The following CARMIL1 variants were observed in gnomAD, a reference collection of about 807,000 sequenced individuals.
CARMIL1 encodes the protein F-actin-uncapping protein LRRC16A.
Under a neutral mutation model 177.1 loss-of-function variants are expected in CARMIL1, and 90 were observed. The observed-to-expected ratio is 0.51, with a 90% CI of 0.43 to 0.61. The LOEUF (loss-of-function observed/expected upper bound fraction) is 0.61. CARMIL1 is among the 20% of genes least tolerant of loss of function. The pLI is 0.00. For synonymous variants in CARMIL1, 577 were observed against 606.2 expected (o/e 0.95, Z 0.71); for missense variants, 1,380 against 1,667.0 (o/e 0.83, Z 3.00).
intron 26 of CARMIL1, among the ~76,000 whole-genome samples, chr6:25,542,573 A>G (rs1809031016): frequency 6.6e-6 from 1 of 151,168 alleles, no homozygotes; most frequent in Non-Finnish European, 1.5e-5. Flanking sequence ...CCTGTTCCCT[A>G]CTCACTTGTT....
intron 27 of CARMIL1, among the ~76,000 whole-genome samples, chr6:25,552,934 A>C (rs1810253494): frequency 6.6e-6 from 1 of 152,192 alleles, no homozygotes; most frequent in Non-Finnish European, 1.5e-5. Flanking sequence ...GAATCTTATC[A>C]GTAGACACCT....
At chr6:25,584,598 T>A (rs548720835) in intron 31 of CARMIL1, among the ~76,000 whole-genome samples, 56 of 152,036 alleles carry the variant, frequency 3.7e-4, no homozygotes, top group African/African-American at 1.3e-3. Context: ...TTTGTATTTT[T>A]ATGCTAAGTT....
In CARMIL1 at chr6:25,392,317, A is replaced by T. The variant is rs376956665; in HGVS notation, c.139-27797A>T. On this transcript the variant is annotated intron_variant, in intron 2 of 36. Transcript: ENST00000329474. Reference sequence around the variant, plus strand: ...AGAGACCTGCCTTATAAAAGAGTTCACTTCTTTCCACAACTTCAAATTGAT... The same window carrying T: ...AGAGACCTGCCTTATAAAAGAGTTCTCTTCTTTCCACAACTTCAAATTGAT... Among the ~76,000 whole-genome samples, 8 of 152,280 alleles carry T rather than the reference A, an allele frequency of 5.3e-5. No homozygotes were observed. In the East Asian group the frequency reaches 7.7e-4, roughly 15 times the overall value.
chr6:25,336,346 C>T (rs1786230153), intron 2 of CARMIL1, among the ~76,000 whole-genome samples: 2 of 152,180 alleles, frequency 1.3e-5, no homozygotes, highest in Admixed American at 1.3e-4. Flanking sequence ...TAGTACTCAG[C>T]TTCTGTATGT....
At chr6:25,578,476 T>A (rs1028686494) in intron 29 of CARMIL1, among the ~76,000 whole-genome samples, 3 of 152,182 alleles carry the variant, frequency 2.0e-5, no homozygotes, top group Non-Finnish European at 4.4e-5. Context: ...TTCCTCTTGC[T>A]TTAGGTTTAT....
chr6:25,282,587 T>A (rs2744277), intron 1 of CARMIL1, among the ~76,000 whole-genome samples: 7,549 of 152,282 alleles, frequency 0.05, 581 homozygotes, highest in African/African-American at 0.16. Flanking sequence ...TTACCCCTTA[T>A]TAAACATATA....
chr6:25,363,916 T>C (rs1010664186), intron 2 of CARMIL1, among the ~76,000 whole-genome samples: 5 of 152,142 alleles, frequency 3.3e-5, no homozygotes, highest in African/African-American at 1.2e-4. Context: ...TAGATTTTTT[T>C]CTTCCTTTCT....
chr6:25,297,867 A>G (rs375990135), intron 2 of CARMIL1, among the ~76,000 whole-genome samples: 6 of 152,164 alleles, frequency 3.9e-5, no homozygotes, highest in African/African-American at 1.4e-4. Flanking sequence ...AATATTCTAG[A>G]GAGAGATGCT....
At chr6:25,366,507 C>A (rs763378190) in intron 2 of CARMIL1, among the ~76,000 whole-genome samples, 4 of 151,662 alleles carry the variant, frequency 2.6e-5, no homozygotes, top group Non-Finnish European at 4.4e-5. Flanking sequence ...TTTGAACATG[C>A]CCCTATGTCT....
At chr6:25,472,826 T>G (rs955265341) in intron 11 of CARMIL1, among the ~76,000 whole-genome samples, 1 of 152,130 alleles carries the variant, frequency 6.6e-6, no homozygotes, top group African/African-American at 2.4e-5. Context: ...TGATACAAAT[T>G]TATTATCTCA....
At chr6:25,317,916 T>C (rs1412386371) in intron 2 of CARMIL1, among the ~76,000 whole-genome samples, 4 of 152,154 alleles carry the variant, frequency 2.6e-5, no homozygotes, top group African/African-American at 9.7e-5. Context: ...AATTCTTGTG[T>C]TTTTAGAATC....
intron 2 of CARMIL1, among the ~76,000 whole-genome samples, chr6:25,369,074 C>G (rs1407884676): frequency 6.6e-6 from 1 of 152,196 alleles, no homozygotes; most frequent in Non-Finnish European, 1.5e-5. Flanking sequence ...GTGTAAGTAA[C>G]TAAGTTTATC....
rs541117529 is a variant in CARMIL1 at position 25,421,587 on chromosome 6, C to T, written c.189+1423C>T. On this transcript the variant is annotated intron_variant, in intron 3 of 36. Transcript: ENST00000329474. ...GACAAATGCACACGTATGTTTATTG[C>T]GGCACTATTCACAATAGCAAAGACT... is the stretch of plus-strand genomic sequence containing the variant. Among the ~76,000 whole-genome samples, 183 of 151,814 alleles carry T rather than the reference C, an allele frequency of 1.2e-3. 2 individuals carry two copies. The highest frequency in any genetic ancestry group is 8.7e-3 in the Admixed American group (133 of 15,242).
At chr6:25,452,005 A>G (rs746498858) in intron 8 of CARMIL1, 4 of 16,110 alleles carry the variant, frequency 2.5e-4, no homozygotes, top group Middle Eastern at 7.8e-3. Context: ...TCCCCCCCCC[A>G]GAATACTGTT....
chr6:25,374,755 T>TTTA (rs1433349397), intron 2 of CARMIL1, among the ~76,000 whole-genome samples: 1 of 152,212 alleles, frequency 6.6e-6, no homozygotes, highest in Non-Finnish European at 1.5e-5. Context: ...GATTGATCCT[T>TTTA]TTATTATTAT....
intron 2 of CARMIL1, among the ~76,000 whole-genome samples, chr6:25,360,070 A>G (rs923741582): frequency 6.6e-6 from 1 of 152,174 alleles, no homozygotes; most frequent in Admixed American, 6.5e-5. Flanking sequence ...GCCAGATAAG[A>G]CATCATTCAG....
chr6:25,382,996 C>T (rs891842027), intron 2 of CARMIL1, among the ~76,000 whole-genome samples: 1 of 152,034 alleles, frequency 6.6e-6, no homozygotes, highest in Admixed American at 6.5e-5. Context: ...GGAGGGCAGT[C>T]TGTGAAAGAG....
At position 25,495,176 on chromosome 6, in the gene CARMIL1, T is replaced by A; in HGVS notation, c.1286T>A (p.Ile429Asn). 3 of 1,613,438 alleles carry A rather than the reference T, an allele frequency of 1.9e-6. No individual in the cohort carries two copies. Among genetic ancestry groups the A allele is most frequent in the Non-Finnish European group, 2.5e-6 (3 of 1,179,586 alleles). The change falls in exon 16 of 37, where the codon ATC becomes AAC. Residue 429 changes from isoleucine (I) to asparagine (N), a missense_variant. Coordinates refer to ENST00000329474, the MANE Select transcript of CARMIL1 (RefSeq NM_017640.6). The part of the protein sequence containing the change: ...FFSSSLALMH[I>N]NLSGTKLSPE... Reference sequence around the variant, plus strand: ...AGTAGTTCTCTGGCTTTGATGCACATCAACCTTTCAGGCACAAAACTGTCT... The same window carrying A: ...AGTAGTTCTCTGGCTTTGATGCACAACAACCTTTCAGGCACAAAACTGTCT...
chr6:25,371,499 C>G (rs1790426346), intron 2 of CARMIL1, among the ~76,000 whole-genome samples: 3 of 152,048 alleles, frequency 2.0e-5, no homozygotes, highest in African/African-American at 7.2e-5. Flanking sequence ...TTTGCATTTC[C>G]CTGATGATCA....
Sources: allele counts gnomAD v4.1 joint callset (sites outside exome capture counted in the v4.1 genomes callset), GRCh38; gene constraint gnomAD v4.1.1; transcripts MANE v1.5; gene names NCBI Gene and HGNC (gene_info 2026-07-23, HGNC 2026-07-21).